CYLD: variants seen among roughly 807,000 people sequenced by gnomAD.
CYLD encodes the protein ubiquitin carboxyl-terminal hydrolase CYLD.
A neutral mutation model predicts 104.5 loss-of-function variants in CYLD; 26 were observed. The observed-to-expected ratio is 0.25, with a 90% CI of 0.18 to 0.35. The LOEUF is 0.35. CYLD is among the 10% of genes least tolerant of loss of function. CYLD has a pLI of 1.00. For missense variants in CYLD, 703 were observed against 1,136.1 expected (o/e 0.62, Z 5.48); for synonymous variants, 385 against 399.9 (o/e 0.96, Z 0.45).
At chr16:50,778,743 C>T (rs1969927408) in intron 8 of CYLD, among the ~76,000 whole-genome samples, 1 of 152,310 alleles carries the variant, frequency 6.6e-6, no homozygotes, top group African/African-American at 2.4e-5. Flanking sequence ...GGCAAACAGG[C>T]CTGACTCTGT....
intron 8 of CYLD, 130 bp from the exon 9 acceptor site, chr16:50,779,535 C>T: frequency 1.3e-6 from 1 of 793,484 alleles, no homozygotes; most frequent in Non-Finnish European, 2.1e-6. Context: ...TTTGTGATGC[C>T]TATGAGAGTA....
rs1052077583 is a variant in CYLD, at chr16:50,794,737, C to T, written c.2686+309C>T. 6 of 401,974 alleles carry T rather than the reference C, an allele frequency of 1.5e-5. No homozygotes were observed. The highest frequency in any genetic ancestry group is 2.8e-5 in the Non-Finnish European group (6 of 212,216). 24.9% of individuals were successfully genotyped at this position (401,974 alleles called of 1,614,324 possible). ...TCAGGTTCAAGCAATCCTCCCACCT[C>T]AGCCTCCTGAGTAGCTGGGACTACA... On this transcript the variant is annotated intron_variant, in intron 18 of 18. Coordinates refer to ENST00000427738, the MANE Select transcript of CYLD (RefSeq NM_001378743.1). This position sits in a 1 kb window ranked among gnomAD's most constrained non-coding sequence, Gnocchi z 4.1.
At chr16:50,791,447 C>T in intron 14 of CYLD, 111 bp from the exon 15 acceptor site, 1 of 1,084,988 alleles carries the variant, frequency 9.2e-7, no homozygotes. Context: ...CAAAGCTACA[C>T]CATCAATTTT....
rs764718025 is a variant in CYLD at position 50,794,921 on chromosome 16, C to T, written c.2686+493C>T. On this transcript the variant is annotated intron_variant, in intron 18 of 18. Coordinates refer to ENST00000427738, the MANE Select transcript of CYLD (RefSeq NM_001378743.1). This position sits in a 1 kb window ranked among gnomAD's most constrained non-coding sequence, Gnocchi z 4.1. Reference sequence around the variant, plus strand: ...CAAGAGGAGCCAGTGCACCCAGCCTCATATTGTGATATTTTGACATGCATA... The same window carrying T: ...CAAGAGGAGCCAGTGCACCCAGCCTTATATTGTGATATTTTGACATGCATA... 11 of 183,156 alleles carry T rather than the reference C, an allele frequency of 6.0e-5. No individual in the cohort carries two copies. Among genetic ancestry groups the T allele is most frequent in the Non-Finnish European group, 1.2e-4 (10 of 86,370 alleles). 11.3% of individuals were successfully genotyped at this position (183,156 alleles called of 1,614,324 possible).
At chr16:50,772,705 A>C (rs1464867495) in intron 5 of CYLD, among the ~76,000 whole-genome samples, 1 of 152,208 alleles carries the variant, frequency 6.6e-6, no homozygotes, top group Non-Finnish European at 1.5e-5. Context: ...ATAAAAAGAT[A>C]ACTTCCTAGG....
chr16:50,744,096 T>C (rs73575793), intron 2 of CYLD, among the ~76,000 whole-genome samples: 6,507 of 152,258 alleles, frequency 0.043, 464 homozygotes, highest in African/African-American at 0.15. Flanking sequence ...CTTGGGGAAT[T>C]CACAGTTTGG....
rs1208222711 is a variant in CYLD at position 50,772,057 on chromosome 16, AT to A, written c.914-3105del. On this transcript the variant is annotated intron_variant, in intron 5 of 18. Coordinates refer to ENST00000427738, the MANE Select transcript of CYLD (RefSeq NM_001378743.1). ...CTAGATCTTTTGCCTTTCCATATGC[AT>A]TTTAGAGTAATCTTGTGTACATCTA... Among the ~76,000 whole-genome samples the A allele has an allele frequency of 2.6e-5, 4 of 152,260 alleles. No individual in the cohort carries two copies. The East Asian group carries it at 5.8e-4, about 22-fold the overall frequency.
chr16:50,759,867 C>A (rs1008221895), intron 5 of CYLD, among the ~76,000 whole-genome samples: 2 of 152,114 alleles, frequency 1.3e-5, no homozygotes, highest in African/African-American at 4.8e-5. Flanking sequence ...ACATTTGTGT[C>A]TTCTATTAAA....
In CYLD at chr16:50,798,627, A is replaced by G; in HGVS notation, c.*2119A>G. 1 of 233,214 alleles carries G rather than the reference A, an allele frequency of 4.3e-6. No homozygotes were observed. Among genetic ancestry groups the G allele is most frequent in the African/African-American group, 2.2e-5 (1 of 45,422 alleles). The allele number at this position is 233,214 out of a possible 1,614,324, so 14.4% of individuals were successfully genotyped here. ...ATTTAACAGTTGGAAAAAAAAAAAA[A>G]AAAGGAGAGAGAAGACAGTTCCTTT... is the stretch of plus-strand genomic sequence containing the variant. On this transcript the variant is annotated 3_prime_UTR_variant, in exon 19 of 19. Coordinates refer to ENST00000427738, the MANE Select transcript of CYLD (RefSeq NM_001378743.1).
intron 5 of CYLD, among the ~76,000 whole-genome samples, chr16:50,758,444 G>A (rs1967522743): frequency 6.6e-6 from 1 of 152,132 alleles, no homozygotes. Flanking sequence ...AGCTATAGGT[G>A]GGTTTTGAAC....
chr16:50,782,611 G>T lies in CYLD; in HGVS notation c.1826+145G>T, dbSNP rs564718386. Reference sequence around the variant, plus strand: ...GAGAAACTGGATGACTGTGGGTCAGGATTGAAAGGGAGATTTGCTTTTTAT... The same window carrying T: ...GAGAAACTGGATGACTGTGGGTCAGTATTGAAAGGGAGATTTGCTTTTTAT... On this transcript the variant is annotated intron_variant, in intron 11 of 18. Transcript: ENST00000427738. The T allele has an allele frequency of 8.8e-6, 7 of 799,070 alleles. No individual in the cohort carries two copies. The African/African-American group carries it at 1.2e-4, about 14-fold the overall frequency. The allele number at this position is 799,070 out of a possible 1,614,324, so 49.5% of individuals were successfully genotyped here. A position where few individuals can be genotyped will look rare whatever the true frequency, so the allele number is the denominator to read the frequency against.
At chr16:50,787,077 T>C (rs1970916448) in intron 13 of CYLD, 131 bp downstream of exon 13, 5 of 736,908 alleles carry the variant, frequency 6.8e-6, no homozygotes, top group South Asian at 3.0e-5. Context: ...TTATGTGATA[T>C]ATGGTTAGCT....
At position 50,793,926 on chromosome 16, in the gene CYLD, T is replaced by TG. The variant is rs531093693; in HGVS notation, c.2469+262_2469+263insG. On this transcript the variant is annotated intron_variant, in intron 17 of 18. Transcript: ENST00000427738. ...AGTTTCTCTCATTAATGACATTTTTTTTTTTTTTTTTTTGAGACTGAGAGA... is the reference window on the plus strand; with the variant it reads ...AGTTTCTCTCATTAATGACATTTTTTGTTTTTTTTTTTTTGAGACTGAGAGA... Among the ~76,000 whole-genome samples, 349 of 150,828 alleles carry TG rather than the reference T, an allele frequency of 2.3e-3. 1 individual carries two copies. The highest frequency in any genetic ancestry group is 2.1e-3 in the Non-Finnish European group (141 of 67,586).
Position 50,798,839 on chromosome 16 carries a change from G to A in CYLD, c.*2331G>A, listed in dbSNP as rs537539631. The A allele has an allele frequency of 4.7e-5, 11 of 233,382 alleles. No homozygotes were observed. Among genetic ancestry groups the A allele is most frequent in the East Asian group, 4.2e-4 (7 of 16,706 alleles). 14.5% of individuals were successfully genotyped at this position (233,382 alleles called of 1,614,324 possible). ...ACGTCTTCTTCAGGTGGAGCTTGAC[G>A]TCTTTTTAATGTTACTTGGGGAGGG... On this transcript the variant is annotated 3_prime_UTR_variant, in exon 19 of 19. Transcript: ENST00000427738.
At chr16:50,766,517 A>C (rs112169632) in intron 5 of CYLD, among the ~76,000 whole-genome samples, 1,876 of 152,274 alleles carry the variant, frequency 0.012, 43 homozygotes, top group African/African-American at 0.043. Context: ...TTCTATTTGC[A>C]AGTTTTATTT....
At chr16:50,748,218 C>T (rs1966354534) in intron 2 of CYLD, among the ~76,000 whole-genome samples, 1 of 152,184 alleles carries the variant, frequency 6.6e-6, no homozygotes, top group Admixed American at 6.5e-5. Context: ...CAGATAGCCA[C>T]ATTCTTATGA....
intron 18 of CYLD, chr16:50,795,797 G>C (rs1971984288): frequency 1.8e-6 from 1 of 562,684 alleles, no homozygotes; most frequent in East Asian, 2.9e-5. Context: ...AGGTAACCCA[G>C]AGGAGCCTTT....
chr16:50,788,914 GATTA>G lies in CYLD; in HGVS notation c.2108+1067_2108+1070del, dbSNP rs1165869967. ...ACTTATACAGAGCTAAAAGGGTTTT[GATTA>G]ATTAGTGAGAAAGATTACGTTCTGG... On this transcript the variant is annotated intron_variant, in intron 14 of 18. Transcript: ENST00000427738. 3.9e-5 allele frequency among the ~76,000 whole-genome samples: 6 copies of G among 152,168 alleles called. No homozygotes were observed. In the East Asian group the frequency reaches 9.6e-4, roughly 24 times the overall value.
At chr16:50,786,794 T>G in intron 12 of CYLD, 61 bp from the exon 13 acceptor site, 1 of 1,179,700 alleles carries the variant, frequency 8.5e-7, no homozygotes, top group East Asian at 2.3e-5. Flanking sequence ...AATATGTGAT[T>G]AAGATGTGTT....
Sources: allele counts gnomAD v4.1 joint callset (sites outside exome capture counted in the v4.1 genomes callset), GRCh38; gene constraint gnomAD v4.1.1; non-coding constraint Gnocchi (gnomAD v3.1); transcripts MANE v1.5; gene names NCBI Gene and HGNC (gene_info 2026-07-23, HGNC 2026-07-21).